Variants in C1orf21 observed in about 807,000 individuals in gnomAD.
C1orf21 encodes the protein chromosome 1 open reading frame 21.
In C1orf21, 3 loss-of-function variants were observed where a neutral mutation model predicts 18.7. The observed-to-expected ratio is 0.16, with a 90% CI of 0.07 to 0.42. C1orf21 has a LOEUF of 0.42. Among genes scored for constraint, C1orf21 ranks in the 10% least tolerant of loss-of-function variants. The pLI, the probability that C1orf21 is intolerant of heterozygous loss-of-function variation, is 0.99. For synonymous variants in C1orf21, 41 were observed against 46.4 expected (o/e 0.88, Z 0.47); for missense variants, 104 against 143.6 (o/e 0.72, Z 1.41).
intron 1 of C1orf21, among the ~76,000 whole-genome samples, chr1:184,415,577 A>T (rs1306847295): frequency 6.6e-6 from 1 of 152,176 alleles, no homozygotes; most frequent in Non-Finnish European, 1.5e-5. Flanking sequence ...TGAGTCATTA[A>T]ATCAATTTAG....
chr1:184,472,230 T>C lies in C1orf21; in HGVS notation c.-124-5156T>C, dbSNP rs138669630. Among the ~76,000 whole-genome samples, 146 of 152,262 alleles carry C rather than the reference T, an allele frequency of 9.6e-4. 1 individual carries two copies. Among genetic ancestry groups the C allele is most frequent in the African/African-American group, 3.4e-3 (142 of 41,550 alleles). On this transcript the variant is annotated intron_variant, in intron 1 of 5. Transcript: ENST00000235307. Reference sequence around the variant, plus strand: ...TTTTTAGATGTGTCTTGTCTTGATTTGCCTTTTTAATCAGAAGAAGAAAGG... The same window carrying C: ...TTTTTAGATGTGTCTTGTCTTGATTCGCCTTTTTAATCAGAAGAAGAAAGG...
chr1:184,527,922 T>C (rs1423029197), intron 3 of C1orf21, among the ~76,000 whole-genome samples: 5 of 152,230 alleles, frequency 3.3e-5, no homozygotes, highest in Non-Finnish European at 7.3e-5. Context: ...TTTTATCCCA[T>C]GGACATTGGA....
intron 1 of C1orf21, among the ~76,000 whole-genome samples, chr1:184,439,387 G>A (rs1244162863): frequency 6.6e-6 from 1 of 150,940 alleles, no homozygotes; most frequent in Non-Finnish European, 1.5e-5. Context: ...CATCTGTTCA[G>A]TGAGGATAAT....
chr1:184,411,313 C>T (rs915399419), intron 1 of C1orf21, among the ~76,000 whole-genome samples: 1 of 151,424 alleles, frequency 6.6e-6, no homozygotes, highest in Non-Finnish European at 1.5e-5. Flanking sequence ...TAGAATGTTG[C>T]TTGCTGGGCA....
intron 1 of C1orf21, among the ~76,000 whole-genome samples, chr1:184,450,580 C>G (rs1018153521): frequency 3.9e-5 from 6 of 152,106 alleles, no homozygotes; most frequent in Non-Finnish European, 8.8e-5. Context: ...GCGTACACAA[C>G]ACACACACAG....
intron 5 of C1orf21, among the ~76,000 whole-genome samples, chr1:184,599,793 A>G (rs1314319674): frequency 1.3e-5 from 2 of 152,182 alleles, no homozygotes; most frequent in African/African-American, 2.4e-5. Context: ...GAAATCCAAA[A>G]TGCTCCAAAA....
chr1:184,578,792 GTTA>G (rs1486646520), intron 3 of C1orf21, among the ~76,000 whole-genome samples: 1 of 152,108 alleles, frequency 6.6e-6, no homozygotes, highest in Admixed American at 6.5e-5. Flanking sequence ...CATTATGGTA[GTTA>G]TTAAGGCTAT....
chr1:184,462,648 G>A (rs1657325212), intron 1 of C1orf21, among the ~76,000 whole-genome samples: 1 of 151,934 alleles, frequency 6.6e-6, no homozygotes, highest in African/African-American at 2.4e-5. Flanking sequence ...TATTTTTTTG[G>A]GGGGGAATAC....
intron 1 of C1orf21, among the ~76,000 whole-genome samples, chr1:184,456,895 T>G (rs1175264318): frequency 6.6e-6 from 1 of 152,212 alleles, no homozygotes; most frequent in Non-Finnish European, 1.5e-5. Flanking sequence ...CCAGGGGTGC[T>G]CAGTATAATG....
At chr1:184,475,189 A>G (rs1657551810) in intron 1 of C1orf21, among the ~76,000 whole-genome samples, 1 of 152,132 alleles carries the variant, frequency 6.6e-6, no homozygotes, top group Non-Finnish European at 1.5e-5. Flanking sequence ...GGACCTCTCC[A>G]CAACTCATTT....
At chr1:184,573,717 G>C (rs1480774271) in intron 3 of C1orf21, among the ~76,000 whole-genome samples, 3 of 151,862 alleles carry the variant, frequency 2.0e-5, no homozygotes, top group Non-Finnish European at 4.4e-5. Flanking sequence ...GAGTATTGGT[G>C]GCCTGGAATT....
chr1:184,534,396 A>C (rs1012694805), intron 3 of C1orf21, among the ~76,000 whole-genome samples: 2 of 152,232 alleles, frequency 1.3e-5, no homozygotes, highest in Admixed American at 1.3e-4. Flanking sequence ...AGAAGGTGGT[A>C]GAGCTAAAAC....
At chr1:184,501,931 TAAAG>T (rs1192198727) in intron 2 of C1orf21, among the ~76,000 whole-genome samples, 4 of 152,028 alleles carry the variant, frequency 2.6e-5, no homozygotes, top group Non-Finnish European at 1.5e-5. Context: ...ACTTCACAAA[TAAAG>T]AAATACAAAT....
chr1:184,480,585 A>G (rs1052306798), intron 2 of C1orf21, among the ~76,000 whole-genome samples: 47 of 152,330 alleles, frequency 3.1e-4, no homozygotes, highest in Non-Finnish European at 5.9e-5. Flanking sequence ...TGTGTTAGTC[A>G]ACTATTGCTG....
chr1:184,395,189 A>G (rs1212976095), intron 1 of C1orf21, among the ~76,000 whole-genome samples: 1 of 152,010 alleles, frequency 6.6e-6, no homozygotes, highest in Non-Finnish European at 1.5e-5. Context: ...GATTTTTATT[A>G]TATATATTTT....
chr1:184,596,863 G>A (rs190998113), intron 4 of C1orf21, among the ~76,000 whole-genome samples: 16 of 135,162 alleles, frequency 1.2e-4, no homozygotes, highest in South Asian at 4.7e-4. Context: ...AGTGCGAGAC[G>A]ACTCTGTCTC....
At chr1:184,447,255 T>C (rs1350037444) in intron 1 of C1orf21, among the ~76,000 whole-genome samples, 1 of 152,228 alleles carries the variant, frequency 6.6e-6, no homozygotes, top group African/African-American at 2.4e-5. Context: ...TCGAAGGATC[T>C]GTCATTCCTC....
intron 5 of C1orf21, among the ~76,000 whole-genome samples, chr1:184,605,065 G>C (rs1270019900): frequency 6.6e-6 from 1 of 152,218 alleles, no homozygotes; most frequent in Non-Finnish European, 1.5e-5. Context: ...TTTTGCCATG[G>C]ATGCAAGTAT....
At chr1:184,400,680 TTTGTTGTTG>T (rs140624178) in intron 1 of C1orf21, among the ~76,000 whole-genome samples, 23,961 of 151,794 alleles carry the variant, frequency 0.16, 1,931 homozygotes, top group African/African-American at 0.2. Flanking sequence ...TGGGGAATTT[TTTGTTGTTG>T]TTGTTGTTGT....
Sources: gnomAD v4.1 joint callset for allele counts (sites outside exome capture counted in the v4.1 genomes callset) on GRCh38, gnomAD v4.1.1 for gene constraint, MANE v1.5 for transcripts, NCBI Gene and HGNC (gene_info 2026-07-23, HGNC 2026-07-21) for gene names.